Variants in KIAA0319 observed in about 807,000 individuals in gnomAD.
KIAA0319 encodes KIAA0319, also known as dyslexia-associated protein KIAA0319.
KIAA0319 carries 83 observed loss-of-function variants against 108.4 expected under a neutral mutation model. The observed-to-expected ratio is 0.77, with a 90% CI of 0.64 to 0.92. The LOEUF is 0.92. Ranked by LOEUF, KIAA0319 falls within the 40% of genes least tolerant of loss-of-function variation. The probability of loss-of-function intolerance (pLI) is 0.00; values close to 1 mark genes in which losing one functional copy is unlikely to be tolerated. For synonymous variants in KIAA0319, 484 were observed against 510.4 expected, an observed-to-expected ratio of 0.95 and a Z score of 0.70; for missense variants, 1,195 against 1,322.4, an observed-to-expected ratio of 0.90 and a Z score of 1.49.
At chr6:24,576,762 TA>T (rs549850988) in intron 9 of KIAA0319, among the ~76,000 whole-genome samples, 166 bp from the exon 10 acceptor site, 233 of 142,748 alleles carry the variant, frequency 1.6e-3, no homozygotes, top group Middle Eastern at 0.014. Context: ...TCTATTTAAT[TA>T]AAAAAAAAAA....
chr6:24,580,889 A>G, intron 7 of KIAA0319, 37 bp downstream of exon 7: 1 of 1,368,060 alleles, frequency 7.3e-7, no homozygotes, highest in South Asian at 1.2e-5. Flanking sequence ...TGAGATAAAT[A>G]TGTACAACAG....
intron 12 of KIAA0319, 108 bp from the exon 13 acceptor site, chr6:24,569,037 A>G: frequency 9.0e-7 from 1 of 1,115,656 alleles, no homozygotes; most frequent in East Asian, 2.4e-5. Context: ...TATAATATAT[A>G]CCATTTAGAG....
At chr6:24,583,460 ATAAT>A in intron 5 of KIAA0319, 140 bp downstream of exon 5, 1 of 658,852 alleles carries the variant, frequency 1.5e-6, no homozygotes, top group South Asian at 2.0e-5. Flanking sequence ...ATGCTTAAGA[ATAAT>A]CAAAGCCTTG....
At chr6:24,572,800 A>C in intron 10 of KIAA0319, 102 bp from the exon 11 acceptor site, 1 of 1,134,886 alleles carries the variant, frequency 8.8e-7, no homozygotes, top group Non-Finnish European at 1.2e-6. Flanking sequence ...ATTTTACTTA[A>C]TACAGAGATC....
chr6:24,563,056 C>T (rs777994017), intron 16 of KIAA0319, among the ~76,000 whole-genome samples: 3 of 152,134 alleles, frequency 2.0e-5, no homozygotes, highest in Non-Finnish European at 4.4e-5. Flanking sequence ...TCTTCACATG[C>T]TCCAGACCCC....
At chr6:24,637,388 A>G (rs889794840) in intron 1 of KIAA0319, among the ~76,000 whole-genome samples, 4 of 152,192 alleles carry the variant, frequency 2.6e-5, no homozygotes, top group African/African-American at 2.4e-5. Flanking sequence ...AAGAGTTTCA[A>G]TGGTAAGTCA....
In KIAA0319 at chr6:24,583,531, AAT is replaced by A; in HGVS notation, c.1093+71_1093+72del. The stretch of plus-strand genomic sequence containing the variant: ...ACTGTGAAAAAGAATCGGCGTTGTA[AAT>A]AGCCTGTAAGGACCTGCTGAAGAAA... On this transcript the variant is annotated intron_variant, in intron 5 of 20. Transcript: ENST00000378214. 1.0e-5 allele frequency: 10 copies of A among 978,450 alleles called. No individual in the cohort carries two copies. In the South Asian group the frequency reaches 1.4e-4, roughly 14 times the overall value. 60.6% of individuals were successfully genotyped at this position (978,450 alleles called of 1,614,324 possible).
intron 10 of KIAA0319, among the ~76,000 whole-genome samples, chr6:24,574,985 A>G (rs1350764408): frequency 2.6e-5 from 4 of 152,198 alleles, no homozygotes; most frequent in Non-Finnish European, 5.9e-5. Flanking sequence ...GTGTCTCACC[A>G]ATGCCCTCAA....
At chr6:24,642,531 C>A (rs74712457) in intron 1 of KIAA0319, among the ~76,000 whole-genome samples, 4,007 of 152,258 alleles carry the variant, frequency 0.026, 162 homozygotes, top group African/African-American at 0.089. Flanking sequence ...ATCCTATCAA[C>A]TGTAATGCTT....
intron 17 of KIAA0319, among the ~76,000 whole-genome samples, chr6:24,558,380 G>C (rs867669271): frequency 0.041 from 6,171 of 150,838 alleles, 268 homozygotes; most frequent in African/African-American, 0.11. Flanking sequence ...TAGATAGATA[G>C]ATAGATAGAT....
intron 7 of KIAA0319, 32 bp downstream of exon 7, chr6:24,580,894 C>A: frequency 7.1e-7 from 1 of 1,412,368 alleles, no homozygotes; most frequent in South Asian, 1.1e-5. Flanking sequence ...TAAATATGTA[C>A]AACAGGAGGT....
intron 1 of KIAA0319, among the ~76,000 whole-genome samples, chr6:24,613,690 AAC>A (rs1582235271): frequency 6.6e-6 from 1 of 152,082 alleles, no homozygotes. Flanking sequence ...AAAAAAAAAA[AAC>A]AAAATGAGGG....
chr6:24,551,989 G>C (rs1186819401), intron 19 of KIAA0319, among the ~76,000 whole-genome samples: 1 of 151,632 alleles, frequency 6.6e-6, no homozygotes, highest in Non-Finnish European at 1.5e-5. Context: ...CAATTAATTA[G>C]CAACAGCTGC....
chr6:24,632,136 G>T (rs1775658872), intron 1 of KIAA0319, among the ~76,000 whole-genome samples: 2 of 152,186 alleles, frequency 1.3e-5, no homozygotes. Flanking sequence ...GAGCAAAATG[G>T]AAAGAAGGTA....
intron 15 of KIAA0319, among the ~76,000 whole-genome samples, chr6:24,563,946 T>C (rs183133624): frequency 1.3e-5 from 2 of 152,164 alleles, no homozygotes; most frequent in Non-Finnish European, 2.9e-5. Flanking sequence ...TCACATTAAG[T>C]CTTTGTCTTC....
At chr6:24,642,597 A>C (rs934522513) in intron 1 of KIAA0319, among the ~76,000 whole-genome samples, 4 of 152,234 alleles carry the variant, frequency 2.6e-5, no homozygotes, top group Non-Finnish European at 5.9e-5. Context: ...CTCCATGCTT[A>C]TATTCTGATG....
At position 24,545,339 on chromosome 6, in the gene KIAA0319, T is replaced by C. The variant is rs1335107251; in HGVS notation, c.*1826A>G. The C allele has an allele frequency of 6.6e-6, 1 of 152,200 alleles. No individual in the cohort carries two copies. Among genetic ancestry groups the C allele is most frequent in the Non-Finnish European group, 1.5e-5 (1 of 68,036 alleles). 9.4% of individuals were successfully genotyped at this position (152,200 alleles called of 1,614,324 possible). On this transcript the variant is annotated 3_prime_UTR_variant, in exon 21 of 21. Coordinates refer to ENST00000378214, the MANE Select transcript of KIAA0319 (RefSeq NM_014809.4). ...TTCAAGGTTGATTATAAGGATCAAA[T>C]GAGTATGTAAACTGCATATGTTATG...
chr6:24,553,274 GATAT>G (rs72393319), intron 19 of KIAA0319, among the ~76,000 whole-genome samples: 1,276 of 102,042 alleles, frequency 0.013, 55 homozygotes, highest in African/African-American at 0.043. Context: ...TTGTGAGATA[GATAT>G]ATATATATAT....
At chr6:24,585,727 C>A (rs927069788) in intron 4 of KIAA0319, among the ~76,000 whole-genome samples, 1 of 152,146 alleles carries the variant, frequency 6.6e-6, no homozygotes, top group Admixed American at 6.5e-5. Context: ...AGTTGTCATG[C>A]CTTTCTGGAC....
Sources: allele counts gnomAD v4.1 joint callset (sites outside exome capture counted in the v4.1 genomes callset), GRCh38; gene constraint gnomAD v4.1.1; transcripts MANE v1.5; gene names NCBI Gene and HGNC (gene_info 2026-07-23, HGNC 2026-07-21).